The following PPIB variants were observed in gnomAD, a reference collection of about 807,000 sequenced individuals.
PPIB encodes the protein peptidyl-prolyl cis-trans isomerase B.
A neutral mutation model predicts 20.1 loss-of-function variants in PPIB; 15 were observed. The ratio of observed to expected loss-of-function variants is 0.75; its 90% confidence interval spans 0.50 to 1.15. PPIB has a LOEUF of 1.15. Among genes scored for constraint, PPIB ranks in the 50% most tolerant of loss-of-function variants. PPIB has a pLI of 0.00. For synonymous variants in PPIB, 129 were observed against 111.0 expected, an observed-to-expected ratio of 1.16 and a Z score of -1.02; for missense variants, 278 against 283.0, an observed-to-expected ratio of 0.98 and a Z score of 0.13.
chr15:64,155,859 G>A lies in PPIB; in HGVS notation c.*164C>T, dbSNP rs1359322214. 2 of 1,017,870 alleles carry A rather than the reference G, an allele frequency of 2.0e-6. No individual in the cohort carries two copies. The highest frequency in any genetic ancestry group is 3.8e-5 in the Admixed American group (2 of 52,020). 63.1% of individuals were successfully genotyped at this position (1,017,870 alleles called of 1,614,324 possible). ...CCCACATTTTTTTTTATTGGTCAGT[G>A]TTGGTAGGAGTTTGTTACAAAAGTG... is the stretch of plus-strand genomic sequence containing the variant. On this transcript the variant is annotated 3_prime_UTR_variant, in exon 5 of 5. Coordinates refer to ENST00000300026, the MANE Select transcript of PPIB (RefSeq NM_000942.5).
rs540496524 is a variant in PPIB, at chr15:64,158,216, T to G, written c.344-1307A>C. On this transcript the variant is annotated intron_variant, in intron 3 of 4. Coordinates refer to ENST00000300026, the MANE Select transcript of PPIB (RefSeq NM_000942.5). This position sits in a 1 kb window ranked among gnomAD's most constrained non-coding sequence, Gnocchi z 4.7. ...TCAGGTTGTCCCTACCCACTCCCCA[T>G]GTACTTACTCTTTCTTTCCATTCCC... is the stretch of plus-strand genomic sequence containing the variant. Among the ~76,000 whole-genome samples, 1 of 152,190 alleles carries G rather than the reference T, an allele frequency of 6.6e-6. No homozygotes were observed. Among genetic ancestry groups the G allele is most frequent in the East Asian group, 1.9e-4 (1 of 5,200 alleles).
chr15:64,155,936 C>T lies in PPIB; in HGVS notation c.*87G>A, dbSNP rs572025913. On this transcript the variant is annotated 3_prime_UTR_variant, in exon 5 of 5. Transcript: ENST00000300026. Reference sequence around the variant, plus strand: ...GGAGTGGGTCCGCTCCACCAGATGCCAGCACCGGGGCCAGTGCAGCTCAGA... The same window carrying T: ...GGAGTGGGTCCGCTCCACCAGATGCTAGCACCGGGGCCAGTGCAGCTCAGA... 6 of 1,603,698 alleles carry T rather than the reference C, an allele frequency of 3.7e-6. No individual in the cohort carries two copies. In the East Asian group the frequency reaches 1.1e-4, roughly 30 times the overall value.
In PPIB at chr15:64,155,869, G is replaced by A. The variant is rs574102477; in HGVS notation, c.*154C>T. 241 of 1,139,308 alleles carry A rather than the reference G, an allele frequency of 2.1e-4. No individual in the cohort carries two copies. Among genetic ancestry groups the A allele is most frequent in the Admixed American group, 4.1e-4 (23 of 55,704 alleles). 70.6% of individuals were successfully genotyped at this position (1,139,308 alleles called of 1,614,324 possible). A position where few individuals can be genotyped will look rare whatever the true frequency, so the allele number is the denominator to read the frequency against. On this transcript the variant is annotated 3_prime_UTR_variant, in exon 5 of 5. Transcript: ENST00000300026. ...TTTTTATTGGTCAGTGTTGGTAGGA[G>A]TTTGTTACAAAAGTGAGTCCATGGG... is the stretch of plus-strand genomic sequence containing the variant.
Position 64,156,653 on chromosome 15 carries a change from C to A in PPIB, c.528+72G>T, listed in dbSNP as rs2140180817. The A allele has an allele frequency of 1.9e-6, 3 of 1,571,302 alleles. No homozygotes were observed. The highest frequency in any genetic ancestry group is 2.6e-6 in the Non-Finnish European group (3 of 1,141,324). On this transcript the variant is annotated intron_variant, in intron 4 of 4. Coordinates refer to ENST00000300026, the MANE Select transcript of PPIB (RefSeq NM_000942.5). This position sits in a 1 kb window ranked among gnomAD's most constrained non-coding sequence, Gnocchi z 6.4. ...TTGGGAAAGGGATGGACACATGGAG[C>A]TCCTGCCCTGGGGTCTGTGTTGAAT...
chr15:64,162,016 G>T, intron 2 of PPIB, 25 bp downstream of exon 2: 2 of 1,538,458 alleles, frequency 1.3e-6, no homozygotes, highest in South Asian at 2.2e-5. Context: ...CATGTGAGTT[G>T]ACTACCCCTG....
chr15:64,161,435 A>AT lies in PPIB; in HGVS notation c.249+605dup, dbSNP rs200356865. Among the ~76,000 whole-genome samples, 424 of 151,336 alleles carry AT rather than the reference A, an allele frequency of 2.8e-3. 2 individuals carry two copies. Among genetic ancestry groups the AT allele is most frequent in the African/African-American group, 9.9e-3 (410 of 41,222 alleles). ...CGTCACACCCAGCTAATTAAAAAAA[A>AT]TTTTTTTTGGCCGGGCATAGTGGCT... On this transcript the variant is annotated intron_variant, in intron 2 of 4. Transcript: ENST00000300026. This position sits in a 1 kb window ranked among gnomAD's most constrained non-coding sequence, Gnocchi z 4.2.
In PPIB at chr15:64,157,774, G is replaced by A. The variant is rs1021514427; in HGVS notation, c.344-865C>T. ...CCTTCATCCTGTGGTTCCACAGAAT[G>A]GAACTGAGCTGGGAAACTGTCCTAG... On this transcript the variant is annotated intron_variant, in intron 3 of 4. Coordinates refer to ENST00000300026, the MANE Select transcript of PPIB (RefSeq NM_000942.5). This position sits in a 1 kb window ranked among gnomAD's most constrained non-coding sequence, Gnocchi z 4.2. Among the ~76,000 whole-genome samples the A allele has an allele frequency of 6.6e-6, 1 of 152,168 alleles. No homozygotes were observed.
Position 64,160,263 on chromosome 15 carries a change from G to A in PPIB, c.250-66C>T. ...AGCAGGAAGACATTACATTAAATAG[G>A]CCTCACAGGAACAAGTCCACAACTC... On this transcript the variant is annotated intron_variant, in intron 2 of 4. Transcript: ENST00000300026. This position sits in a 1 kb window ranked among gnomAD's most constrained non-coding sequence, Gnocchi z 4.8. 7.7e-7 allele frequency: 1 copy of A among 1,294,312 alleles called. No individual in the cohort carries two copies. 80.2% of individuals were successfully genotyped at this position (1,294,312 alleles called of 1,614,324 possible).
Position 64,157,738 on chromosome 15 carries a change from C to T in PPIB, c.344-829G>A, listed in dbSNP as rs1216155840. Among the ~76,000 whole-genome samples the T allele has an allele frequency of 1.3e-5, 2 of 152,140 alleles. No individual in the cohort carries two copies. Among genetic ancestry groups the T allele is most frequent in the South Asian group, 2.1e-4 (1 of 4,834 alleles). ...GCATGCAAAACTCTTTTTTCCTTCTCACTGCACCTACCTTCATCCTGTGGT... is the reference window on the plus strand; with the variant it reads ...GCATGCAAAACTCTTTTTTCCTTCTTACTGCACCTACCTTCATCCTGTGGT... On this transcript the variant is annotated intron_variant, in intron 3 of 4. Coordinates refer to ENST00000300026, the MANE Select transcript of PPIB (RefSeq NM_000942.5). This position sits in a 1 kb window ranked among gnomAD's most constrained non-coding sequence, Gnocchi z 4.2.
In PPIB at chr15:64,156,729, C is replaced by T; in HGVS notation, c.524G>A (p.Gly175Asp). 6.8e-6 allele frequency: 11 copies of T among 1,614,182 alleles called. No individual in the cohort carries two copies. Among genetic ancestry groups the T allele is most frequent in the Non-Finnish European group, 9.3e-6 (11 of 1,180,042 alleles). Residue 175 changes from glycine to aspartate, a missense_variant, in exon 4 of 5, where the codon GGC becomes GAC. Physicochemically the swap from Gly to Asp is moderately conservative, Grantham distance 94. Transcript: ENST00000300026. The surrounding 1 kb of genome is among the most constrained non-coding windows in gnomAD (Gnocchi z 6.4). ...KHVVFGKVLE[G>D]MEVVRKVEST... ...GCCCTTGCTTCCACAACTCACCATG[C>T]CCTCTAGAACTTTGCCAAACACCAC...
rs2081545474 is a variant in PPIB, at chr15:64,158,064, C to T, written c.344-1155G>A. Among the ~76,000 whole-genome samples, 1 of 152,218 alleles carries T rather than the reference C, an allele frequency of 6.6e-6. No individual in the cohort carries two copies. The highest frequency in any genetic ancestry group is 2.1e-4 in the South Asian group (1 of 4,830). ...ACCCCCAAATCTCCATCCTTAGCTCCAGCCACTCTCTCAAGATACAGGGGT... is the reference window on the plus strand; with the variant it reads ...ACCCCCAAATCTCCATCCTTAGCTCTAGCCACTCTCTCAAGATACAGGGGT... On this transcript the variant is annotated intron_variant, in intron 3 of 4. Coordinates refer to ENST00000300026, the MANE Select transcript of PPIB (RefSeq NM_000942.5). The surrounding 1 kb of genome is among the most constrained non-coding windows in gnomAD (Gnocchi z 4.7).
In PPIB at chr15:64,158,753, C is replaced by G. The variant is rs1197139375; in HGVS notation, c.343+1351G>C. ...GCACCGGGCTCATGCCCTAACCCTG[C>G]CTCTTTTCTGCCCGTTCAAATTCTC... is the stretch of plus-strand genomic sequence containing the variant. On this transcript the variant is annotated intron_variant, in intron 3 of 4. Transcript: ENST00000300026. The surrounding 1 kb of genome is among the most constrained non-coding windows in gnomAD (Gnocchi z 4.7). Among the ~76,000 whole-genome samples the G allele has an allele frequency of 6.6e-6, 1 of 152,270 alleles. No homozygotes were observed. The highest frequency in any genetic ancestry group is 2.4e-5 in the African/African-American group (1 of 41,474).
rs1249812504 is a variant in PPIB, at chr15:64,159,316, G to A, written c.343+788C>T. On this transcript the variant is annotated intron_variant, in intron 3 of 4. Transcript: ENST00000300026. The surrounding 1 kb of genome is among the most constrained non-coding windows in gnomAD (Gnocchi z 5.1). ...GCGTCCGGGGGTCTTTCTGTCCTATGTGTGCAAGTTAATGCCAAGGTGAGG... is the reference window on the plus strand; with the variant it reads ...GCGTCCGGGGGTCTTTCTGTCCTATATGTGCAAGTTAATGCCAAGGTGAGG... 6.5e-6 allele frequency: 1 copy of A among 152,760 alleles called. No individual in the cohort carries two copies. The highest frequency in any genetic ancestry group is 1.5e-5 in the Non-Finnish European group (1 of 68,528). The allele number at this position is 152,760 out of a possible 1,614,324, so 9.5% of individuals were successfully genotyped here.
Position 64,156,364 on chromosome 15 carries a change from C to T in PPIB, c.529-219G>A, listed in dbSNP as rs1413269289. 2.9e-6 allele frequency: 2 copies of T among 685,740 alleles called. No homozygotes were observed. Among genetic ancestry groups the T allele is most frequent in the East Asian group, 2.7e-5 (1 of 36,556 alleles). 42.5% of individuals were successfully genotyped at this position (685,740 alleles called of 1,614,324 possible). A position where few individuals can be genotyped will look rare whatever the true frequency, so the allele number is the denominator to read the frequency against. On this transcript the variant is annotated intron_variant, in intron 4 of 4. Coordinates refer to ENST00000300026, the MANE Select transcript of PPIB (RefSeq NM_000942.5). This position sits in a 1 kb window ranked among gnomAD's most constrained non-coding sequence, Gnocchi z 6.4. ...AATTTTGTTCCTTTGAAGTAAGACC[C>T]AGGTTGGGCCAAGGGTGAGGAGGAG...
At position 64,157,202 on chromosome 15, in the gene PPIB, T is replaced by A. The variant is rs1421675641; in HGVS notation, c.344-293A>T. The A allele has an allele frequency of 2.2e-6, 1 of 457,316 alleles. No individual in the cohort carries two copies. Among genetic ancestry groups the A allele is most frequent in the East Asian group, 4.2e-5 (1 of 23,886 alleles). 28.3% of individuals were successfully genotyped at this position (457,316 alleles called of 1,614,324 possible). On this transcript the variant is annotated intron_variant, in intron 3 of 4. Coordinates refer to ENST00000300026, the MANE Select transcript of PPIB (RefSeq NM_000942.5). This position sits in a 1 kb window ranked among gnomAD's most constrained non-coding sequence, Gnocchi z 4.2. ...TAAGGCGCATGTTATCAGCTCCCCT[T>A]AGCTATGGCCCAGGCCTGCCACGGA...
At position 64,157,117 on chromosome 15, in the gene PPIB, T is replaced by C; in HGVS notation, c.344-208A>G. The C allele has an allele frequency of 3.3e-6, 2 of 603,536 alleles. No individual in the cohort carries two copies. The highest frequency in any genetic ancestry group is 5.9e-6 in the Non-Finnish European group (2 of 340,592). The allele number at this position is 603,536 out of a possible 1,614,324, so 37.4% of individuals were successfully genotyped here. A position where few individuals can be genotyped will look rare whatever the true frequency, so the allele number is the denominator to read the frequency against. ...GGCCAAGTGGGGCATCAGGCCAGGC[T>C]GATGTGGTGAACAGCTCACAGAAGG... On this transcript the variant is annotated intron_variant, in intron 3 of 4. Coordinates refer to ENST00000300026, the MANE Select transcript of PPIB (RefSeq NM_000942.5). The surrounding 1 kb of genome is among the most constrained non-coding windows in gnomAD (Gnocchi z 4.2).
Position 64,159,692 on chromosome 15 carries a change from T to C in PPIB, c.343+412A>G, listed in dbSNP as rs2081555199. The C allele has an allele frequency of 6.6e-6, 2 of 305,104 alleles. No individual in the cohort carries two copies. Among genetic ancestry groups the C allele is most frequent in the South Asian group, 3.1e-5 (1 of 31,768 alleles). 18.9% of individuals were successfully genotyped at this position (305,104 alleles called of 1,614,324 possible). On this transcript the variant is annotated intron_variant, in intron 3 of 4. Transcript: ENST00000300026. This position sits in a 1 kb window ranked among gnomAD's most constrained non-coding sequence, Gnocchi z 5.1. ...GCTGGGATCACAGAGTCACCACGCCTGGCCCTCTCACTCTTGCTGGGGCTT... is the reference window on the plus strand; with the variant it reads ...GCTGGGATCACAGAGTCACCACGCCCGGCCCTCTCACTCTTGCTGGGGCTT...
Position 64,156,850 on chromosome 15 carries a change from G to A in PPIB, c.403C>T (p.Pro135Ser), listed in dbSNP as rs774166877. The A allele has an allele frequency of 1.2e-6, 2 of 1,614,182 alleles. No homozygotes were observed. Among genetic ancestry groups the A allele is most frequent in the South Asian group, 1.1e-5 (1 of 91,084 alleles). Residue 135 changes from proline to serine, a missense_variant, in exon 4 of 5, where the codon CCT (proline) becomes TCT (serine). Coordinates refer to ENST00000300026, the MANE Select transcript of PPIB (RefSeq NM_000942.5). The surrounding 1 kb of genome is among the most constrained non-coding windows in gnomAD (Gnocchi z 6.4). ...GCGTTGGCCATGCTCACCCAGCCAG[G>A]CCCGTAGTGCTTCAGTTTGAAGTTC... ...DENFKLKHYG[P>S]GWVSMANAGK...
chr15:64,158,185 C>G lies in PPIB; in HGVS notation c.344-1276G>C, dbSNP rs547542286. ...TTCTTTTGACCCCTTTTCCTCTGCACGTGGCTCAGGTTGTCCCTACCCACT... is the reference window on the plus strand; with the variant it reads ...TTCTTTTGACCCCTTTTCCTCTGCAGGTGGCTCAGGTTGTCCCTACCCACT... On this transcript the variant is annotated intron_variant, in intron 3 of 4. Coordinates refer to ENST00000300026, the MANE Select transcript of PPIB (RefSeq NM_000942.5). The surrounding 1 kb of genome is among the most constrained non-coding windows in gnomAD (Gnocchi z 4.7). Among the ~76,000 whole-genome samples, 1 of 152,306 alleles carries G rather than the reference C, an allele frequency of 6.6e-6. No individual in the cohort carries two copies. The highest frequency in any genetic ancestry group is 6.5e-5 in the Admixed American group (1 of 15,300).
Sources: gnomAD v4.1 joint callset for allele counts (sites outside exome capture counted in the v4.1 genomes callset) on GRCh38, gnomAD v4.1.1 for gene constraint, Gnocchi (gnomAD v3.1) non-coding constraint, MANE v1.5 for transcripts, NCBI Gene and HGNC (gene_info 2026-07-23, HGNC 2026-07-21) for gene names.